Variants in IKZF1 observed in about 807,000 individuals in gnomAD.
IKZF1 encodes IKAROS family zinc finger 1.
In IKZF1, 10 loss-of-function variants were observed where a neutral mutation model predicts 51.7. The ratio of observed to expected loss-of-function variants is 0.19; its 90% CI spans 0.12 to 0.33. The LOEUF (loss-of-function observed/expected upper bound fraction) is 0.33. Ranked by LOEUF, IKZF1 falls within the 10% of genes least tolerant of loss-of-function variation. The probability of loss-of-function intolerance (pLI) is 1.00; values close to 1 mark genes in which losing one functional copy is unlikely to be tolerated. For missense variants in IKZF1, 484 were observed against 707.5 expected, an observed-to-expected ratio of 0.68 and a Z score of 3.58; for synonymous variants, 280 against 282.3, an observed-to-expected ratio of 0.99 and a Z score of 0.08.
upstream of IKZF1, among the ~76,000 whole-genome samples, chr7:50,303,864 G>T (rs1039834718): frequency 4.1e-5 from 6 of 147,596 alleles, no homozygotes; most frequent in African/African-American, 1.5e-4. This position sits in a 1 kb window ranked among gnomAD's most constrained non-coding sequence, Gnocchi z 4.7. Flanking sequence ...CGGCCCGCAC[G>T]TGTCGCCCGC....
chr7:50,316,894 G>T (rs1434296560), intron 1 of IKZF1, among the ~76,000 whole-genome samples: 1 of 152,238 alleles, frequency 6.6e-6, no homozygotes, highest in Non-Finnish European at 1.5e-5. Flanking sequence ...GTATGCAACA[G>T]TAGGGCATTT....
At chr7:50,335,625 T>G (rs1181483700) in intron 3 of IKZF1, among the ~76,000 whole-genome samples, 1 of 150,308 alleles carries the variant, frequency 6.7e-6, no homozygotes, top group Non-Finnish European at 1.5e-5. Context: ...TATATGTGTA[T>G]GGGATGTGTG....
At chr7:50,362,612 G>A (rs1321584313) in intron 3 of IKZF1, among the ~76,000 whole-genome samples, 1 of 152,076 alleles carries the variant, frequency 6.6e-6, no homozygotes, top group Non-Finnish European at 1.5e-5. Context: ...TTGTTTTAAA[G>A]CATTTTTCCA....
chr7:50,305,068 G>A (rs983829547), intron 1 of IKZF1, 146 bp downstream of exon 1: 3 of 152,566 alleles, frequency 2.0e-5, no homozygotes, highest in African/African-American at 7.2e-5. Context: ...GACAGTGAGA[G>A]AGTTCACTTC....
chr7:50,327,970 A>C, intron 3 of IKZF1: 1 of 536,232 alleles, frequency 1.9e-6, no homozygotes. Context: ...AGAGCCACAC[A>C]CCCCGCAAAA....
rs1008698139 is a variant in IKZF1 at position 50,403,011 on chromosome 7, A to G, written c.*2384A>G. ...CCATCCCCCTGAGTCAGTTGGTTGAAGGGAGTTATTTTTTCAAGTGGAATT... is the reference window on the plus strand; with the variant it reads ...CCATCCCCCTGAGTCAGTTGGTTGAGGGGAGTTATTTTTTCAAGTGGAATT... On this transcript the variant is annotated 3_prime_UTR_variant, in exon 8 of 8. Coordinates refer to ENST00000331340, the MANE Select transcript of IKZF1 (RefSeq NM_006060.6). The G allele has an allele frequency of 1.8e-5, 4 of 226,532 alleles. No individual in the cohort carries two copies. In the East Asian group the frequency reaches 2.5e-4, roughly 14 times the overall value. 14.0% of individuals were successfully genotyped at this position (226,532 alleles called of 1,614,324 possible).
intron 3 of IKZF1, among the ~76,000 whole-genome samples, chr7:50,370,739 G>A (rs12718741): frequency 6.2e-4 from 95 of 152,332 alleles, no homozygotes; most frequent in Admixed American, 2.1e-3. Flanking sequence ...GCATGAGCCA[G>A]AGTGTTCCGG....
intron 2 of IKZF1, among the ~76,000 whole-genome samples, chr7:50,321,173 C>T (rs970018894): frequency 5.9e-5 from 9 of 151,980 alleles, no homozygotes; most frequent in Non-Finnish European, 1.0e-4. Flanking sequence ...AGGAAGGGGA[C>T]GAGTTAGGGA....
At chr7:50,371,233 A>C (rs1038946824) in intron 3 of IKZF1, among the ~76,000 whole-genome samples, 1 of 152,228 alleles carries the variant, frequency 6.6e-6, no homozygotes, top group Non-Finnish European at 1.5e-5. Context: ...TGGAGCTGCC[A>C]GGAGGTGCTC....
intron 3 of IKZF1, among the ~76,000 whole-genome samples, chr7:50,334,331 T>G (rs1797069001): frequency 6.6e-6 from 1 of 152,166 alleles, no homozygotes; most frequent in Non-Finnish European, 1.5e-5. Flanking sequence ...TATATGTGCA[T>G]GTGGTACATG....
intron 4 of IKZF1, among the ~76,000 whole-genome samples, chr7:50,378,195 T>C (rs59498249): frequency 0.037 from 5,704 of 152,344 alleles, 235 homozygotes; most frequent in African/African-American, 0.1. Flanking sequence ...GTAGTGTATC[T>C]GAAAACCTAT....
intron 3 of IKZF1, chr7:50,368,382 G>T (rs760258100): frequency 1.5e-6 from 1 of 668,978 alleles, no homozygotes; most frequent in East Asian, 2.7e-5. Context: ...CCTTTTTATT[G>T]AGTGTGAGGA....
chr7:50,310,494 G>T (rs1413273558), intron 1 of IKZF1, among the ~76,000 whole-genome samples: 4 of 152,136 alleles, frequency 2.6e-5, no homozygotes, highest in Non-Finnish European at 5.9e-5. Context: ...GCTCTCTGAG[G>T]TTTTACTGAT....
Position 50,391,860 on chromosome 7 carries a change from C to A in IKZF1, c.847C>A (p.Leu283Ile). The A allele has an allele frequency of 6.2e-7, 1 of 1,611,512 alleles. No homozygotes were observed. The highest frequency in any genetic ancestry group is 1.3e-5 in the African/African-American group (1 of 74,882). The change falls in exon 7 of 8, where the codon CTT (leucine) becomes ATT (isoleucine). Residue 283 changes from leucine to isoleucine, a missense_variant. Around this residue, in one of 6 missense-constraint regions of IKZF1, gnomAD observed 172 missense variants for 192.7 expected, o/e 0.89. Transcript: ENST00000331340. ...KRKSSMPQKF[L>I]GDKGLSDTPY... ...TAAGAGCTCTATGCCTCAGAAATTTCTTGGTAAGAGTTAAATGTTTGCTGT... is the reference window on the plus strand; with the variant it reads ...TAAGAGCTCTATGCCTCAGAAATTTATTGGTAAGAGTTAAATGTTTGCTGT...
chr7:50,393,488 G>T (rs1204954002), intron 7 of IKZF1, among the ~76,000 whole-genome samples: 1 of 152,176 alleles, frequency 6.6e-6, no homozygotes, highest in Non-Finnish European at 1.5e-5. Flanking sequence ...CCCTCTTGCA[G>T]CTTCAAATAG....
chr7:50,373,703 C>T (rs1363612402), intron 3 of IKZF1, among the ~76,000 whole-genome samples: 1 of 152,202 alleles, frequency 6.6e-6, no homozygotes, highest in Non-Finnish European at 1.5e-5. Context: ...TTTGCAGCCT[C>T]ATTGTGTTTC....
At chr7:50,363,151 G>T (rs1056273267) in intron 3 of IKZF1, among the ~76,000 whole-genome samples, 1 of 152,202 alleles carries the variant, frequency 6.6e-6, no homozygotes, top group African/African-American at 2.4e-5. Context: ...TGGGGGAAAA[G>T]ATGGGATTTG....
chr7:50,354,368 A>G (rs973201308), intron 3 of IKZF1, among the ~76,000 whole-genome samples: 7 of 152,346 alleles, frequency 4.6e-5, no homozygotes, highest in Admixed American at 6.5e-5. Flanking sequence ...GGTGAGCATC[A>G]TTCTGCTTTC....
At chr7:50,318,978 ATCTC>A in intron 1 of IKZF1, 66 bp from the exon 2 acceptor site, 1 of 961,522 alleles carries the variant, frequency 1.0e-6, no homozygotes, top group Non-Finnish European at 1.7e-6. Context: ...GGGGTTCTTT[ATCTC>A]TCTCTCTTTC....
Sources: allele counts gnomAD v4.1 joint callset (sites outside exome capture counted in the v4.1 genomes callset), GRCh38; gene constraint gnomAD v4.1.1; regional missense constraint gnomAD v4.1.1; non-coding constraint Gnocchi (gnomAD v3.1); transcripts MANE v1.5; gene names NCBI Gene and HGNC (gene_info 2026-07-23, HGNC 2026-07-21).